ADAMTSL1: variants seen among roughly 807,000 people sequenced by gnomAD.
ADAMTSL1 encodes ADAMTS like 1, also known as ADAMTS-like protein 1.
ADAMTSL1 carries 126 observed loss-of-function variants against 201.8 expected under a neutral mutation model. That is an observed-to-expected ratio of 0.62 (90% CI 0.54 to 0.72). The LOEUF is 0.72. ADAMTSL1 is among the 30% of genes least tolerant of loss of function. The pLI is 0.00. For missense variants in ADAMTSL1, 2,679 were observed against 2,277.8 expected (o/e 1.18, Z -3.59); for synonymous variants, 1,121 against 903.4 (o/e 1.24, Z -4.32).
At chr9:18,380,889 T>C (rs77273575) in intron 2 of ADAMTSL1, among the ~76,000 whole-genome samples, 13,536 of 152,180 alleles carry the variant, frequency 0.089, 762 homozygotes, top group Middle Eastern at 0.15. Flanking sequence ...GGGAGAGGAA[T>C]TGATCCTTCC....
upstream of ADAMTSL1, among the ~76,000 whole-genome samples, chr9:18,469,268 G>T (rs1378524722): frequency 1.3e-5 from 2 of 152,112 alleles, no homozygotes; most frequent in Non-Finnish European, 2.9e-5. Context: ...ATAGCTTAGT[G>T]GTTATGAACA....
chr9:18,520,742 T>C (rs1334567747), intron 2 of ADAMTSL1, among the ~76,000 whole-genome samples: 1 of 152,156 alleles, frequency 6.6e-6, no homozygotes, highest in Non-Finnish European at 1.5e-5. Flanking sequence ...CTTGTATTAT[T>C]ACAACAGAAA....
At chr9:18,264,487 G>A (rs1230364797) in intron 2 of ADAMTSL1, among the ~76,000 whole-genome samples, 1 of 152,118 alleles carries the variant, frequency 6.6e-6, no homozygotes, top group African/African-American at 2.4e-5. Context: ...GTAGGGGCTG[G>A]GGAGTGATGT....
intron 1 of ADAMTSL1, among the ~76,000 whole-genome samples, chr9:18,151,979 C>G (rs1826936885): frequency 6.6e-6 from 1 of 152,044 alleles, no homozygotes; most frequent in South Asian, 2.1e-4. Flanking sequence ...GCTCTACTAG[C>G]TCATACTGTG....
chr9:18,189,932 G>A lies in ADAMTSL1; in HGVS notation c.207+25951G>A, dbSNP rs962662774. On this transcript the variant is annotated intron_variant, in intron 2 of 29. Coordinates refer to the ADAMTSL1 transcript ENST00000680146. ...AAGTCAAATAAGCATATTAGTCTGTGTGCTGCATTTTAAAAGAGCCTGTTA... is the reference window on the plus strand; with the variant it reads ...AAGTCAAATAAGCATATTAGTCTGTATGCTGCATTTTAAAAGAGCCTGTTA... 2.0e-5 allele frequency among the ~76,000 whole-genome samples: 3 copies of A among 152,300 alleles called. No homozygotes were observed. The East Asian group carries it at 5.8e-4, about 29-fold the overall frequency.
chr9:18,496,456 A>G (rs1805025262), intron 1 of ADAMTSL1, among the ~76,000 whole-genome samples: 1 of 152,216 alleles, frequency 6.6e-6, no homozygotes, highest in South Asian at 2.1e-4. Flanking sequence ...CCCGCATCCC[A>G]TGGAACTTAA....
intron 2 of ADAMTSL1, among the ~76,000 whole-genome samples, chr9:18,233,248 T>C (rs1013386646): frequency 1.3e-5 from 2 of 152,208 alleles, no homozygotes; most frequent in Admixed American, 1.3e-4. Context: ...AATTTTAAAA[T>C]TTTGTTCCTG....
At chr9:17,940,392 T>C (rs2131344247) in intron 1 of ADAMTSL1, among the ~76,000 whole-genome samples, 1 of 152,158 alleles carries the variant, frequency 6.6e-6, no homozygotes, top group East Asian at 1.9e-4. Flanking sequence ...TACAGCAGAA[T>C]TCAGTAACTG....
At chr9:18,603,343 ATGCT>A (rs1274291667) in intron 4 of ADAMTSL1, among the ~76,000 whole-genome samples, 3 of 20,906 alleles carry the variant, frequency 1.4e-4, no homozygotes, top group Non-Finnish European at 2.8e-4. Context: ...CCAAAGCTAT[ATGCT>A]ATGCTATGCT....
intron 1 of ADAMTSL1, among the ~76,000 whole-genome samples, chr9:17,948,320 C>G (rs1000312009): frequency 1.3e-5 from 2 of 152,166 alleles, no homozygotes; most frequent in African/African-American, 4.8e-5. Context: ...ACATATTTTA[C>G]AAATACCAAA....
At chr9:18,592,091 G>A (rs1447988600) in intron 4 of ADAMTSL1, among the ~76,000 whole-genome samples, 1 of 152,152 alleles carries the variant, frequency 6.6e-6, no homozygotes, top group Admixed American at 6.5e-5. Flanking sequence ...GATTTGCTAA[G>A]CATACTTCTT....
chr9:17,921,843 T>C (rs1441271524), intron 1 of ADAMTSL1, among the ~76,000 whole-genome samples: 2 of 152,136 alleles, frequency 1.3e-5, no homozygotes, highest in Admixed American at 1.3e-4. Context: ...GCTCTCTCCA[T>C]CCCTATTTTT....
In ADAMTSL1 at chr9:18,050,856, A is replaced by T. The variant is rs528445101; in HGVS notation, c.88-113006A>T. ...ATGTCAAAAAGCTTGTTTTGGTAAAAAAAGGAAATCCTTTTCAAACCTTGT... is the reference window on the plus strand; with the variant it reads ...ATGTCAAAAAGCTTGTTTTGGTAAATAAAGGAAATCCTTTTCAAACCTTGT... On this transcript the variant is annotated intron_variant, in intron 1 of 29. Transcript: ENST00000680146. Among the ~76,000 whole-genome samples, 7 of 152,302 alleles carry T rather than the reference A, an allele frequency of 4.6e-5. No individual in the cohort carries two copies. In the South Asian group the frequency reaches 1.4e-3, roughly 32 times the overall value.
chr9:18,464,718 T>G lies in ADAMTSL1; in HGVS notation c.208-40111T>G, dbSNP rs549749443. Reference sequence around the variant, plus strand: ...AATTTCCTTTTCATAATTACAGTGTTTTATTTTGTATGTTTATAACACCCC... The same window carrying G: ...AATTTCCTTTTCATAATTACAGTGTGTTATTTTGTATGTTTATAACACCCC... On this transcript the variant is annotated intron_variant, in intron 2 of 29. Coordinates refer to the ADAMTSL1 transcript ENST00000680146. Among the ~76,000 whole-genome samples, 10 of 152,360 alleles carry G rather than the reference T, an allele frequency of 6.6e-5. No individual in the cohort carries two copies. In the East Asian group the frequency reaches 1.9e-3, roughly 29 times the overall value.
At chr9:18,625,272 GTTTT>G (rs58666836) in intron 5 of ADAMTSL1, among the ~76,000 whole-genome samples, 7 of 145,962 alleles carry the variant, frequency 4.8e-5, no homozygotes, top group African/African-American at 1.8e-4. Context: ...TTATATCCAA[GTTTT>G]TTTTTTTTTT....
intron 2 of ADAMTSL1, among the ~76,000 whole-genome samples, chr9:18,281,252 C>T (rs1832776095): frequency 6.6e-6 from 1 of 151,956 alleles, no homozygotes; most frequent in Admixed American, 6.6e-5. Context: ...AAGCAAATTG[C>T]AATGGGAAGG....
chr9:18,077,859 T>G (rs1433649581), intron 1 of ADAMTSL1, among the ~76,000 whole-genome samples: 1 of 152,168 alleles, frequency 6.6e-6, no homozygotes, highest in Non-Finnish European at 1.5e-5. Flanking sequence ...GCTAGCCTTT[T>G]ATGCAGGAGT....
chr9:18,733,193 C>G (rs980484775), intron 15 of ADAMTSL1, among the ~76,000 whole-genome samples: 12 of 152,216 alleles, frequency 7.9e-5, no homozygotes, highest in Non-Finnish European at 1.5e-4. Flanking sequence ...AGAACCAACT[C>G]TAGTCTCATA....
chr9:17,973,631 T>C lies in ADAMTSL1; in HGVS notation c.87+66709T>C, dbSNP rs545416641. ...CCAGCTTTGTTCTTTTGCCTTAGGA[T>C]TGACTTGGCAATGTGGGCTCTTTTT... is the stretch of plus-strand genomic sequence containing the variant. On this transcript the variant is annotated intron_variant, in intron 1 of 29. Coordinates refer to the ADAMTSL1 transcript ENST00000680146. Among the ~76,000 whole-genome samples the C allele has an allele frequency of 9.6e-4, 104 of 108,284 alleles. 1 individual carries two copies. Among genetic ancestry groups the C allele is most frequent in the Non-Finnish European group, 1.6e-3 (77 of 48,774 alleles). The allele number at this position is 108,284 out of a possible 152,430, so 71.0% of individuals were successfully genotyped here. A position where few individuals can be genotyped will look rare whatever the true frequency, so the allele number is the denominator to read the frequency against.
Sources: allele counts gnomAD v4.1 joint callset (sites outside exome capture counted in the v4.1 genomes callset), GRCh38; gene constraint gnomAD v4.1.1; transcripts MANE v1.5; gene names NCBI Gene and HGNC (gene_info 2026-07-23, HGNC 2026-07-21).